MTMR3: variants seen among roughly 807,000 people sequenced by gnomAD.
MTMR3 encodes myotubularin related protein 3.
MTMR3 carries 32 observed loss-of-function variants against 132.4 expected under a neutral mutation model. That is an observed-to-expected ratio of 0.24 (90% CI 0.18 to 0.32). MTMR3 has a LOEUF of 0.32. Ranked by LOEUF, MTMR3 falls within the 10% of genes least tolerant of loss-of-function variation. The pLI, the probability that MTMR3 is intolerant of heterozygous loss-of-function variation, is 1.00. For synonymous variants in MTMR3, 556 were observed against 550.3 expected (o/e 1.01, Z -0.14); for missense variants, 1,216 against 1,489.6 (o/e 0.82, Z 3.02).
intron 1 of MTMR3, among the ~76,000 whole-genome samples, 156 bp from the exon 2 acceptor site, chr22:29,956,880 C>T (rs1374569967): frequency 6.6e-6 from 1 of 152,146 alleles, no homozygotes; most frequent in East Asian, 1.9e-4. Flanking sequence ...ATTCTAAAAT[C>T]TGTGGTTGAC....
chr22:30,022,831 C>A, intron 19 of MTMR3, 134 bp downstream of exon 19: 1 of 767,712 alleles, frequency 1.3e-6, no homozygotes. Flanking sequence ...TCTTCCTGTG[C>A]CTCTGAAATT....
At chr22:29,926,672 C>T (rs1262245339) in intron 1 of MTMR3, among the ~76,000 whole-genome samples, 1 of 152,010 alleles carries the variant, frequency 6.6e-6, no homozygotes, top group Non-Finnish European at 1.5e-5. Context: ...ACTTATTGGT[C>T]ATTTGTGTAT....
intron 1 of MTMR3, among the ~76,000 whole-genome samples, chr22:29,917,628 G>T (rs149565053): frequency 2.7e-3 from 416 of 152,302 alleles, no homozygotes; most frequent in African/African-American, 9.4e-3. Flanking sequence ...TTGTTCACCA[G>T]TAGGTTTATT....
intron 1 of MTMR3, among the ~76,000 whole-genome samples, chr22:29,947,395 A>G (rs948657043): frequency 2.6e-5 from 4 of 151,994 alleles, no homozygotes; most frequent in African/African-American, 4.8e-5. Context: ...TGTATAAACA[A>G]TATACTTAAT....
Position 29,979,081 on chromosome 22 carries a change from A to C in MTMR3, c.210+29A>C, listed in dbSNP as rs1279860992. The C allele has an allele frequency of 2.1e-6, 3 of 1,430,064 alleles. No individual in the cohort carries two copies. The South Asian group carries it at 3.4e-5, about 16-fold the overall frequency. The allele number at this position is 1,430,064 out of a possible 1,614,324, so 88.6% of individuals were successfully genotyped here. A position where few individuals can be genotyped will look rare whatever the true frequency, so the allele number is the denominator to read the frequency against. Reference sequence around the variant, plus strand: ...AGTGATTACCAGCTGTTCTCCCTCTAAGGTAAATGGAGAAAGTAAGTCAAA... The same window carrying C: ...AGTGATTACCAGCTGTTCTCCCTCTCAGGTAAATGGAGAAAGTAAGTCAAA... On this transcript the variant is annotated intron_variant, in intron 5 of 19. Transcript: ENST00000401950.
chr22:29,968,190 T>A (rs927883518), intron 2 of MTMR3, among the ~76,000 whole-genome samples: 1 of 152,222 alleles, frequency 6.6e-6, no homozygotes, highest in Non-Finnish European at 1.5e-5. Flanking sequence ...TGTACCACTT[T>A]ACATTCCTGC....
intron 1 of MTMR3, among the ~76,000 whole-genome samples, chr22:29,953,252 T>C (rs2066118773): frequency 6.6e-6 from 1 of 152,202 alleles, no homozygotes; most frequent in South Asian, 2.1e-4. Context: ...GCTGCTTTAG[T>C]CCCCAGTACC....
chr22:29,910,150 C>T (rs560677802), intron 1 of MTMR3, among the ~76,000 whole-genome samples: 14 of 150,658 alleles, frequency 9.3e-5, no homozygotes, highest in African/African-American at 2.0e-4. Flanking sequence ...GGTGACAGAA[C>T]GAGACTCCAT....
At chr22:29,895,678 A>G (rs2064879441) in intron 1 of MTMR3, among the ~76,000 whole-genome samples, 2 of 152,192 alleles carry the variant, frequency 1.3e-5, no homozygotes. Flanking sequence ...TGCAGTTTTC[A>G]GTGCATCTCA....
At chr22:29,963,529 A>G (rs1286315192) in intron 2 of MTMR3, among the ~76,000 whole-genome samples, 1 of 151,450 alleles carries the variant, frequency 6.6e-6, no homozygotes, top group African/African-American at 2.4e-5. Flanking sequence ...AGCTGGGACT[A>G]TAGGCATGCA....
At chr22:29,884,808 C>T (rs546114363) in intron 1 of MTMR3, among the ~76,000 whole-genome samples, 105 of 152,260 alleles carry the variant, frequency 6.9e-4, no homozygotes, top group African/African-American at 2.4e-3. Flanking sequence ...AAGTGATCCG[C>T]TTGCGTTGGC....
chr22:30,006,890 A>G (rs1182682625), intron 9 of MTMR3: 1 of 515,648 alleles, frequency 1.9e-6, no homozygotes, highest in African/African-American at 1.9e-5. Context: ...GTAACTTTAC[A>G]GGGATCTCCG....
intron 1 of MTMR3, among the ~76,000 whole-genome samples, chr22:29,919,322 C>T (rs1374894941): frequency 6.6e-6 from 1 of 152,064 alleles, no homozygotes; most frequent in Non-Finnish European, 1.5e-5. Context: ...GACATTTTGT[C>T]TTACCATGGA....
At chr22:29,938,211 C>A (rs954460115) in intron 1 of MTMR3, among the ~76,000 whole-genome samples, 4 of 152,156 alleles carry the variant, frequency 2.6e-5, no homozygotes, top group Non-Finnish European at 5.9e-5. Flanking sequence ...TCTGAGAAAT[C>A]GTAACTGTTT....
intron 16 of MTMR3, 142 bp from the exon 17 acceptor site, chr22:30,019,338 G>T: frequency 1.3e-6 from 1 of 768,604 alleles, no homozygotes; most frequent in Non-Finnish European, 2.0e-6. Context: ...AGCAGTCTGG[G>T]CCTCGCTCCA....
At chr22:30,012,346 T>G in intron 12 of MTMR3, 22 bp from the exon 13 acceptor site, 1 of 1,603,584 alleles carries the variant, frequency 6.2e-7, no homozygotes. Context: ...CAGCATTTTC[T>G]AATCCTCTCC....
Position 30,007,246 on chromosome 22 carries a change from T to C in MTMR3, c.804T>C (p.Ser268=). The change falls in exon 10 of 20, where the codon AGT becomes AGC. Residue 268 remains serine (S), a synonymous_variant. Coordinates refer to ENST00000401950, the MANE Select transcript of MTMR3 (RefSeq NM_021090.4). ...AKACASDSRS[S]GSKLSTRNTS... ...CTTGTGCCTCTGACTCCCGATCGAG[T>C]GGCAGCAAGCTGTCAACTAGGAACA... The C allele has an allele frequency of 6.2e-7, 1 of 1,614,134 alleles. No individual in the cohort carries two copies. Among genetic ancestry groups the C allele is most frequent in the Non-Finnish European group, 8.5e-7 (1 of 1,180,010 alleles).
intron 1 of MTMR3, among the ~76,000 whole-genome samples, chr22:29,956,094 G>T (rs1036719842): frequency 1.5e-4 from 23 of 152,104 alleles, no homozygotes; most frequent in Non-Finnish European, 1.5e-5. Context: ...GAGCAATCTT[G>T]TTCATTTATG....
chr22:29,920,211 C>A (rs2065383328), intron 1 of MTMR3, among the ~76,000 whole-genome samples: 1 of 119,882 alleles, frequency 8.3e-6, no homozygotes, highest in Non-Finnish European at 1.9e-5. Flanking sequence ...AAGACTCTGT[C>A]TCAAAAAAAA....
Sources: gnomAD v4.1 joint callset for allele counts (sites outside exome capture counted in the v4.1 genomes callset) on GRCh38, gnomAD v4.1.1 for gene constraint, MANE v1.5 for transcripts, NCBI Gene and HGNC (gene_info 2026-07-23, HGNC 2026-07-21) for gene names.